INPP5B: variants seen among roughly 807,000 people sequenced by gnomAD.
INPP5B encodes the protein inositol polyphosphate-5-phosphatase B.
INPP5B carries 90 observed loss-of-function variants against 118.5 expected under a neutral mutation model. The ratio of observed to expected loss-of-function variants is 0.76; its 90% CI spans 0.64 to 0.90. The LOEUF (loss-of-function observed/expected upper bound fraction) is 0.90, where lower values mean the gene tolerates loss of function less well. Among genes scored for constraint, INPP5B ranks in the 40% least tolerant of loss-of-function variants. The pLI, the probability that INPP5B is intolerant of heterozygous loss-of-function variation, is 0.00. For missense variants in INPP5B, 984 were observed against 1,125.6 expected, an observed-to-expected ratio of 0.87 and a Z score of 1.80; for synonymous variants, 385 against 418.9, an observed-to-expected ratio of 0.92 and a Z score of 0.99.
rs776415736 is a variant in INPP5B, at chr1:37,931,904, G to C, written c.532+9C>G. 24 of 1,613,856 alleles carry C rather than the reference G, an allele frequency of 1.5e-5. No homozygotes were observed. The highest frequency in any genetic ancestry group is 1.9e-5 in the Non-Finnish European group (23 of 1,180,044). On this transcript the variant is annotated intron_variant, in intron 7 of 23. Transcript: ENST00000373024. ...AATCCCCACCGTTTCTTCCGGGACG[G>C]ATACCTGCCTCCGCCAATTGTCGCG...
At chr1:37,913,835 C>T (rs1446730470) in intron 7 of INPP5B, among the ~76,000 whole-genome samples, 1 of 152,180 alleles carries the variant, frequency 6.6e-6, no homozygotes, top group Non-Finnish European at 1.5e-5. Flanking sequence ...CTGTGACCTG[C>T]ATGTATACAT....
intron 5 of INPP5B, among the ~76,000 whole-genome samples, chr1:37,942,480 C>T (rs752039717): frequency 6.6e-6 from 1 of 152,108 alleles, no homozygotes; most frequent in African/African-American, 2.4e-5. Context: ...AAACTTCTAG[C>T]ACAATGCTGG....
At chr1:37,899,719 CTTT>C (rs58118510) in intron 7 of INPP5B, among the ~76,000 whole-genome samples, 16 of 143,862 alleles carry the variant, frequency 1.1e-4, no homozygotes, top group East Asian at 2.0e-4. Flanking sequence ...TCCATTTCAT[CTTT>C]TTTTTTTTTT....
intron 7 of INPP5B, among the ~76,000 whole-genome samples, chr1:37,898,955 G>A (rs2148557036): frequency 6.6e-6 from 1 of 152,060 alleles, no homozygotes; most frequent in African/African-American, 2.4e-5. Flanking sequence ...GCTGAGGCAG[G>A]CGGATCCCCT....
At chr1:37,905,142 T>C (rs527569893) in intron 7 of INPP5B, among the ~76,000 whole-genome samples, 1 of 152,352 alleles carries the variant, frequency 6.6e-6, no homozygotes, top group South Asian at 2.1e-4. Flanking sequence ...GGCTCAAGCC[T>C]GTAATCCCAG....
rs1432655882 is a variant in INPP5B, at chr1:37,939,577, T to C, written c.391+1111A>G. 2.0e-5 allele frequency among the ~76,000 whole-genome samples: 3 copies of C among 150,342 alleles called. 1 individual carries two copies. Among genetic ancestry groups the C allele is most frequent in the Non-Finnish European group, 1.5e-5 (1 of 67,484 alleles). On this transcript the variant is annotated intron_variant, in intron 6 of 23. Transcript: ENST00000373024. Reference sequence around the variant, plus strand: ...CTCCAGCCTCAGCCTCCCGAGTAGCTGGGACTATAGGCGCCCGCCACCATG... The same window carrying C: ...CTCCAGCCTCAGCCTCCCGAGTAGCCGGGACTATAGGCGCCCGCCACCATG...
chr1:37,940,941 G>C (rs1376772046), intron 5 of INPP5B, 143 bp from the exon 6 acceptor site: 1 of 584,034 alleles, frequency 1.7e-6, no homozygotes, highest in Middle Eastern at 2.6e-4. Flanking sequence ...ACAGCTGCTG[G>C]GACAACAAGG....
At chr1:37,866,323 G>T in intron 21 of INPP5B, 136 bp downstream of exon 21, 1 of 596,320 alleles carries the variant, frequency 1.7e-6, no homozygotes, top group South Asian at 2.1e-5. Flanking sequence ...TGGTAGCTGA[G>T]GATACAATAT....
chr1:37,902,130 G>A (rs1644355106), intron 7 of INPP5B, among the ~76,000 whole-genome samples: 1 of 151,866 alleles, frequency 6.6e-6, no homozygotes, highest in Non-Finnish European at 1.5e-5. Context: ...GGGATCACAG[G>A]CATGCACCAC....
At chr1:37,865,994 T>C in intron 21 of INPP5B, 106 bp from the exon 22 acceptor site, 1 of 1,531,332 alleles carries the variant, frequency 6.5e-7, no homozygotes, top group East Asian at 2.4e-5. Context: ...TCAGGCTCTC[T>C]GCTCAGGGCT....
At chr1:37,913,497 TGTCTTCC>T (rs1351454849) in intron 7 of INPP5B, among the ~76,000 whole-genome samples, 1 of 152,178 alleles carries the variant, frequency 6.6e-6, no homozygotes, top group Non-Finnish European at 1.5e-5. Context: ...TAGGACCTTG[TGTCTTCC>T]GTTTAGTTTC....
At chr1:37,912,642 C>T (rs759964394) in intron 7 of INPP5B, among the ~76,000 whole-genome samples, 15 of 152,292 alleles carry the variant, frequency 9.8e-5, no homozygotes, top group East Asian at 3.9e-4. Flanking sequence ...ACCATTGTAG[C>T]GGATATCTCC....
intron 14 of INPP5B, among the ~76,000 whole-genome samples, chr1:37,881,034 A>G (rs1643167981): frequency 6.6e-6 from 1 of 152,108 alleles, no homozygotes; most frequent in Admixed American, 6.5e-5. Context: ...AGGCTCTTTC[A>G]TAAGAGCATA....
intron 7 of INPP5B, among the ~76,000 whole-genome samples, chr1:37,914,074 T>C (rs1269412885): frequency 6.6e-6 from 1 of 152,166 alleles, no homozygotes. Flanking sequence ...CTTTGCTGAC[T>C]CCTTTTTCAG....
chr1:37,869,364 T>G (rs1463601738), intron 19 of INPP5B, among the ~76,000 whole-genome samples: 1 of 151,556 alleles, frequency 6.6e-6, no homozygotes, highest in Non-Finnish European at 1.5e-5. Flanking sequence ...AGGCTGGTCT[T>G]GAACACTTGG....
intron 6 of INPP5B, among the ~76,000 whole-genome samples, chr1:37,940,034 C>T (rs1645856613): frequency 2.0e-5 from 3 of 152,134 alleles, no homozygotes; most frequent in Non-Finnish European, 4.4e-5. Flanking sequence ...CAGAGAAGAC[C>T]AGCCCTCTCC....
At position 37,863,689 on chromosome 1, in the gene INPP5B, G is replaced by GCA. The variant is rs377183227; in HGVS notation, c.2626+621_2626+622dup. Among the ~76,000 whole-genome samples the GCA allele has an allele frequency of 8.4e-3, 1,252 of 148,442 alleles. 12 individuals carry two copies. The highest frequency in any genetic ancestry group is 0.026 in the African/African-American group (1,048 of 40,474). ...GGGTGACAGAGTGAGACTTTCTCAAGCACACACACACACACACATGCACAC... is the reference window on the plus strand; with the variant it reads ...GGGTGACAGAGTGAGACTTTCTCAAGCACACACACACACACACACATGCACAC... On this transcript the variant is annotated intron_variant, in intron 23 of 23. Transcript: ENST00000373024.
intron 7 of INPP5B, among the ~76,000 whole-genome samples, chr1:37,915,601 G>A (rs1644836128): frequency 6.6e-6 from 1 of 152,210 alleles, no homozygotes; most frequent in Non-Finnish European, 1.5e-5. Context: ...TGGAGTATAT[G>A]TCTGTGTGCA....
intron 7 of INPP5B, among the ~76,000 whole-genome samples, chr1:37,911,951 A>G (rs1644714870): frequency 6.6e-6 from 1 of 152,194 alleles, no homozygotes; most frequent in Non-Finnish European, 1.5e-5. Context: ...TGCCCTTCTC[A>G]GAATTAGAGC....
Sources: allele counts gnomAD v4.1 joint callset (sites outside exome capture counted in the v4.1 genomes callset), GRCh38; gene constraint gnomAD v4.1.1; transcripts MANE v1.5; gene names NCBI Gene and HGNC (gene_info 2026-07-23, HGNC 2026-07-21).